The following PDE11A variants were observed in gnomAD, a reference collection of about 807,000 sequenced individuals.
PDE11A encodes the protein phosphodiesterase 11A.
In PDE11A, 100 loss-of-function variants were observed where a neutral mutation model predicts 100.5. The ratio of observed to expected loss-of-function variants is 1.00; its 90% confidence interval spans 0.85 to 1.18. The LOEUF (loss-of-function observed/expected upper bound fraction) is 1.18. PDE11A is among the 50% of genes most tolerant of loss of function. PDE11A has a pLI of 0.00. For synonymous variants in PDE11A, 381 were observed against 420.8 expected, an observed-to-expected ratio of 0.91 and a Z score of 1.16; for missense variants, 1,141 against 1,152.6, an observed-to-expected ratio of 0.99 and a Z score of 0.15.
intron 2 of PDE11A, among the ~76,000 whole-genome samples, chr2:177,951,901 A>G (rs535522101): frequency 3.3e-5 from 5 of 152,106 alleles, no homozygotes; most frequent in South Asian, 4.2e-4. Flanking sequence ...TGTTTAGGGG[A>G]AAAAAAGGCA....
chr2:178,011,805 C>T (rs1240616399), intron 2 of PDE11A: 1 of 152,096 alleles, frequency 6.6e-6, no homozygotes, highest in Non-Finnish European at 1.5e-5. Context: ...TACTATCACC[C>T]CTCTTCTAAG....
intron 5 of PDE11A, among the ~76,000 whole-genome samples, chr2:177,854,441 C>T (rs1427514077): frequency 6.6e-6 from 1 of 151,894 alleles, no homozygotes; most frequent in African/African-American, 2.4e-5. Context: ...GCTTCCTTTC[C>T]TTCATTGATG....
In PDE11A at chr2:177,875,355, G is replaced by A. The variant is rs142761896; in HGVS notation, c.1367+504C>T. Reference sequence around the variant, plus strand: ...AACTGATTGCAAGCTAGATGTATATGCATTTATTTATTTATTTATTTATTT... The same window carrying A: ...AACTGATTGCAAGCTAGATGTATATACATTTATTTATTTATTTATTTATTT... On this transcript the variant is annotated intron_variant, in intron 5 of 19. Transcript: ENST00000286063. 5.6e-3 allele frequency among the ~76,000 whole-genome samples: 845 copies of A among 152,036 alleles called. 9 individuals carry two copies. The highest frequency in any genetic ancestry group is 9.4e-3 in the Non-Finnish European group (642 of 67,948).
chr2:178,102,474 A>C (rs552014474), intron 2 of PDE11A, among the ~76,000 whole-genome samples: 2 of 119,676 alleles, frequency 1.7e-5, no homozygotes, highest in Non-Finnish European at 3.3e-5. Context: ...GGGTTTCACC[A>C]TATTGGCCAA....
rs956943246 is a variant in PDE11A, at chr2:177,629,375, A to G, written c.*32T>C. The G allele has an allele frequency of 5.0e-6, 8 of 1,600,720 alleles. No individual in the cohort carries two copies. The Admixed American group carries it at 1.0e-4, about 20-fold the overall frequency. Reference sequence around the variant, plus strand: ...GACTGAAAATGGCCCTTCAGGCTGTAGTCATTTTGCAGCTGCAGCTGACCT... The same window carrying G: ...GACTGAAAATGGCCCTTCAGGCTGTGGTCATTTTGCAGCTGCAGCTGACCT... On this transcript the variant is annotated 3_prime_UTR_variant, in exon 20 of 20. Coordinates refer to ENST00000286063, the MANE Select transcript of PDE11A (RefSeq NM_016953.4).
chr2:177,805,962 AGCAGTGACT>A (rs1442285780), intron 9 of PDE11A, among the ~76,000 whole-genome samples: 1 of 152,256 alleles, frequency 6.6e-6, no homozygotes, highest in African/African-American at 2.4e-5. Flanking sequence ...ACCAATAAAA[AGCAGTGACT>A]GCTTCCATAT....
intron 10 of PDE11A, among the ~76,000 whole-genome samples, chr2:177,751,898 G>A (rs982797855): frequency 6.6e-6 from 1 of 152,072 alleles, no homozygotes; most frequent in Non-Finnish European, 1.5e-5. Context: ...ACCCCTTGAG[G>A]TGATTCTTCT....
rs112206725 is a variant in PDE11A at position 177,697,296 on chromosome 2, T to TTTAGATA, written c.2345+35_2345+36insTATCTAA. ...CTGGAGATTAGTTACAGGATGGAACTTCCATTTGTCAAACAGATCAAATGC... is the reference window on the plus strand; with the variant it reads ...CTGGAGATTAGTTACAGGATGGAACTTTAGATATCCATTTGTCAAACAGATCAAATGC... On this transcript the variant is annotated intron_variant, in intron 15 of 19. Coordinates refer to ENST00000286063, the MANE Select transcript of PDE11A (RefSeq NM_016953.4). The TTTAGATA allele has an allele frequency of 4.4e-3, 4,456 of 1,009,640 alleles. 122 individuals carry two copies. The African/African-American group carries it at 0.061, about 14-fold the overall frequency. The allele number at this position is 1,009,640 out of a possible 1,614,324, so 62.5% of individuals were successfully genotyped here.
intron 9 of PDE11A, among the ~76,000 whole-genome samples, chr2:177,806,304 T>C (rs866497239): frequency 3.3e-5 from 5 of 152,326 alleles, no homozygotes; most frequent in African/African-American, 1.2e-4. Context: ...ATCCTGATTG[T>C]GACCAGTTAC....
At chr2:177,881,023 C>T (rs968176480) in intron 4 of PDE11A, among the ~76,000 whole-genome samples, 19 of 152,054 alleles carry the variant, frequency 1.2e-4, no homozygotes, top group Admixed American at 5.3e-4. Context: ...GATTAGCATT[C>T]GAATCAATAA....
intron 9 of PDE11A, among the ~76,000 whole-genome samples, chr2:177,784,343 CCAA>C: frequency 6.6e-6 from 1 of 151,810 alleles, no homozygotes; most frequent in East Asian, 1.9e-4. Flanking sequence ...GGAAACTCCA[CCAA>C]CATCATAACA....
At chr2:177,734,853 G>A (rs572148749) in intron 10 of PDE11A, among the ~76,000 whole-genome samples, 1 of 152,324 alleles carries the variant, frequency 6.6e-6, no homozygotes, top group East Asian at 1.9e-4. Context: ...TGCTCATTAT[G>A]ATTTTTATAC....
At chr2:177,925,178 T>C (rs1348232013) in intron 2 of PDE11A, among the ~76,000 whole-genome samples, 3 of 151,286 alleles carry the variant, frequency 2.0e-5, no homozygotes, top group South Asian at 2.1e-4. Flanking sequence ...TGAATAATGC[T>C]GCAATAAACA....
intron 1 of PDE11A, among the ~76,000 whole-genome samples, chr2:178,105,222 G>A (rs13005772): frequency 6.6e-6 from 1 of 151,980 alleles, no homozygotes; most frequent in Non-Finnish European, 1.5e-5. Context: ...AGCACTTTGG[G>A]AGGCCAAGGC....
intron 1 of PDE11A, among the ~76,000 whole-genome samples, chr2:178,033,750 AT>A (rs1241849820): frequency 2.6e-5 from 4 of 151,712 alleles, no homozygotes; most frequent in Non-Finnish European, 1.5e-5. Context: ...AATATTCAAC[AT>A]TCTTAAACAA....
chr2:177,769,885 C>CAAAAA (rs10572990), intron 9 of PDE11A, among the ~76,000 whole-genome samples: 30 of 70,820 alleles, frequency 4.2e-4, no homozygotes, highest in Non-Finnish European at 6.3e-4. Flanking sequence ...AAGACCCTAT[C>CAAAAA]AAAAAAAAAA....
At chr2:178,053,719 T>A (rs1049287920) in intron 1 of PDE11A, among the ~76,000 whole-genome samples, 1 of 151,972 alleles carries the variant, frequency 6.6e-6, no homozygotes, top group Non-Finnish European at 1.5e-5. Flanking sequence ...ATACCAACAA[T>A]AGATGAGCAG....
chr2:177,905,149 T>C lies in PDE11A; in HGVS notation c.1110A>G (p.Ile370Met). ...AGGCAGCAAAGAGCTGAGCGTTAGA[T>C]ATGGCGATTCCACAAAATGGAAGAT... is the stretch of plus-strand genomic sequence containing the variant. ...QMYLPFCGIA[I>M]SNAQLFAASR... Residue 370 changes from isoleucine (I) to methionine (M), a missense_variant, in exon 3 of 20, where the codon ATA becomes ATG. Physicochemically the swap from Ile to Met is conservative, Grantham distance 10 (BLOSUM62 1). Transcript: ENST00000286063. 2 of 1,609,730 alleles carry C rather than the reference T, an allele frequency of 1.2e-6. No homozygotes were observed. The highest frequency in any genetic ancestry group is 1.7e-6 in the Non-Finnish European group (2 of 1,175,996).
intron 2 of PDE11A, among the ~76,000 whole-genome samples, chr2:178,099,554 A>C (rs1347442681): frequency 6.6e-6 from 1 of 152,146 alleles, no homozygotes; most frequent in African/African-American, 2.4e-5. Flanking sequence ...ATGAGATAGC[A>C]CTTCAAACCC....
Sources: allele counts gnomAD v4.1 joint callset (sites outside exome capture counted in the v4.1 genomes callset), GRCh38; gene constraint gnomAD v4.1.1; transcripts MANE v1.5; gene names NCBI Gene and HGNC (gene_info 2026-07-23, HGNC 2026-07-21).